CT45A1: variants seen among roughly 807,000 people sequenced by gnomAD.
The protein encoded by CT45A1 is cancer/testis antigen 45-1.
At chrX:135,715,992 C>T (rs2087986427) in intron 1 of CT45A1, among the ~76,000 whole-genome samples, 1 of 109,719 alleles carries the variant, frequency 9.1e-6, no homozygotes, top group South Asian at 3.9e-4. Context: ...GACACATGTC[C>T]CTTCAAACGA....
chrX:135,713,351 C>T, upstream of CT45A1: 2 of 215,214 alleles, frequency 9.3e-6, no homozygotes, highest in Non-Finnish European at 1.3e-5. Context: ...TACTGAAGGT[C>T]GCCTGTAGAG....
intron 1 of CT45A1, among the ~76,000 whole-genome samples, chrX:135,714,169 C>G (rs1397769378): frequency 1.8e-5 from 2 of 109,224 alleles, no homozygotes; most frequent in African/African-American, 6.7e-5. Flanking sequence ...GGATCGCTGA[C>G]GGGGGCTTTA....
intron 1 of CT45A1, among the ~76,000 whole-genome samples, chrX:135,716,818 A>G (rs1206295490): frequency 3.9e-5 from 3 of 77,524 alleles, no homozygotes; most frequent in Admixed American, 2.8e-4. Context: ...AGTGGGAAGA[A>G]GTAAGAGTCA....
At chrX:135,711,942 A>T (rs2087935699), upstream of CT45A1, among the ~76,000 whole-genome samples, 1 of 109,463 alleles carries the variant, frequency 9.1e-6, no homozygotes, top group Non-Finnish European at 1.9e-5. Context: ...TTAGCCGGGC[A>T]TGGTGGTGCA....
At chrX:135,712,974 T>TCC (rs1556570104), upstream of CT45A1, among the ~76,000 whole-genome samples, 56 of 48,187 alleles carry the variant, frequency 1.2e-3, no homozygotes, top group African/African-American at 4.4e-3. Flanking sequence ...TCTTTCTTTC[T>TCC]TTTCTTTCTC....
At chrX:135,722,828 GT>G (rs2088035945) in intron 4 of CT45A1, 147 bp from the exon 5 acceptor site, 1 of 305,170 alleles carries the variant, frequency 3.3e-6, no homozygotes, top group Admixed American at 5.5e-5. Flanking sequence ...GCCAGCATTT[GT>G]TATGCCGGCT....
At chrX:135,718,180 T>C (rs782763556) in intron 1 of CT45A1, among the ~76,000 whole-genome samples, 2 of 112,207 alleles carry the variant, frequency 1.8e-5, no homozygotes, top group East Asian at 2.8e-4. Context: ...GCTGTTGTTG[T>C]TGTTGTTAAT....
intron 1 of CT45A1, among the ~76,000 whole-genome samples, chrX:135,716,485 A>G (rs1246414639): frequency 9.0e-6 from 1 of 111,438 alleles, no homozygotes; most frequent in African/African-American, 3.3e-5. Context: ...ATTCATTTGT[A>G]GTTCTGGATA....
chrX:135,711,178 G>A (rs1385169865), upstream of CT45A1, among the ~76,000 whole-genome samples: 2 of 111,535 alleles, frequency 1.8e-5, no homozygotes, highest in African/African-American at 3.3e-5. Context: ...GTACTGCTGT[G>A]GTGGGATTTT....
intron 1 of CT45A1, among the ~76,000 whole-genome samples, chrX:135,714,794 C>T (rs1225066285): frequency 1.9e-5 from 2 of 107,817 alleles, no homozygotes; most frequent in African/African-American, 6.7e-5. Context: ...CCCTCTGTCA[C>T]CCAGACTGGA....
chrX:135,710,953 C>T (rs2087930690), upstream of CT45A1, among the ~76,000 whole-genome samples: 1 of 111,945 alleles, frequency 8.9e-6, no homozygotes, highest in Non-Finnish European at 1.9e-5. Context: ...ATGCATGGTA[C>T]ATACTTACAC....
chrX:135,715,337 A>G (rs2087973249), intron 1 of CT45A1, among the ~76,000 whole-genome samples: 1 of 36,132 alleles, frequency 2.8e-5, no homozygotes, highest in Non-Finnish European at 4.8e-5. Context: ...TATATATTAT[A>G]TATATATAAT....
intron 1 of CT45A1, among the ~76,000 whole-genome samples, chrX:135,714,031 G>C (rs1456257753): frequency 1.8e-5 from 2 of 108,124 alleles, no homozygotes; most frequent in Non-Finnish European, 3.9e-5. Context: ...TGTCGGCCTC[G>C]GGTGCGGTGC....
At chrX:135,713,749 C>T (rs1478552712) in intron 1 of CT45A1, 59 bp downstream of exon 1, 4 of 681,281 alleles carry the variant, frequency 5.9e-6, no homozygotes, top group Non-Finnish European at 7.0e-6. Context: ...AATTTCACCC[C>T]AGAAAGTGTC....
At chrX:135,718,165 T>A (rs1335991542) in intron 1 of CT45A1, among the ~76,000 whole-genome samples, 1 of 111,852 alleles carries the variant, frequency 8.9e-6, no homozygotes, top group Non-Finnish European at 1.9e-5. Flanking sequence ...GTTTCCCTGT[T>A]TGTTGCTGTT....
chrX:135,712,809 C>T (rs1270451572), upstream of CT45A1, among the ~76,000 whole-genome samples: 3 of 111,089 alleles, frequency 2.7e-5, no homozygotes, highest in East Asian at 8.5e-4. Flanking sequence ...AGATTACAGG[C>T]GCGAGCCACA....
At chrX:135,714,219 G>C (rs1308209748) in intron 1 of CT45A1, among the ~76,000 whole-genome samples, 1 of 109,589 alleles carries the variant, frequency 9.1e-6, no homozygotes, top group Non-Finnish European at 1.9e-5. Context: ...TGCTGATGTC[G>C]TCCGTGAGGC....
chrX:135,712,711 A>C (rs1221269445), upstream of CT45A1, among the ~76,000 whole-genome samples: 1 of 107,742 alleles, frequency 9.3e-6, no homozygotes, highest in Non-Finnish European at 1.9e-5. Context: ...CTGTATTTTT[A>C]GTTGAGACGA....
upstream of CT45A1, among the ~76,000 whole-genome samples, chrX:135,711,952 A>C (rs1298751785): frequency 6.4e-5 from 7 of 109,611 alleles, no homozygotes; most frequent in East Asian, 2.0e-3. Flanking sequence ...ATGGTGGTGC[A>C]TGCCTGTAAT....
Sources: allele counts gnomAD v4.1 joint callset (sites outside exome capture counted in the v4.1 genomes callset), GRCh38; gene constraint gnomAD v4.1.1; transcripts MANE v1.5; gene names NCBI Gene and HGNC (gene_info 2026-07-23, HGNC 2026-07-21).